Variants in ELOVL6 observed in about 807,000 individuals in gnomAD.
ELOVL6 encodes very long chain fatty acid elongase 6.
Under a neutral mutation model 31.7 loss-of-function variants are expected in ELOVL6, and 8 were observed. The observed-to-expected ratio is 0.25, with a 90% CI of 0.15 to 0.45. The LOEUF (loss-of-function observed/expected upper bound fraction) is 0.45. ELOVL6 is among the 20% of genes least tolerant of loss of function. ELOVL6 has a pLI of 1.00. For synonymous variants in ELOVL6, 101 were observed against 117.7 expected (o/e 0.86, Z 0.92); for missense variants, 126 against 326.4 (o/e 0.39, Z 4.73).
intron 2 of ELOVL6, among the ~76,000 whole-genome samples, chr4:110,076,697 G>A (rs1273885487): frequency 6.6e-6 from 1 of 152,198 alleles, no homozygotes; most frequent in African/African-American, 2.4e-5. Context: ...TTCCAACTGA[G>A]GAACCGGGTT....
chr4:110,084,588 A>ATT (rs1168880044), intron 2 of ELOVL6, among the ~76,000 whole-genome samples: 542 of 29,602 alleles, frequency 0.018, 20 homozygotes, highest in Non-Finnish European at 0.022. Flanking sequence ...ATATATATAT[A>ATT]TTTTTTTTTT....
chr4:110,147,824 C>T (rs942591972), intron 1 of ELOVL6, among the ~76,000 whole-genome samples: 17 of 151,492 alleles, frequency 1.1e-4, no homozygotes, highest in Non-Finnish European at 2.2e-4. Context: ...CACACGTGCA[C>T]GCCAAAAAGG....
Position 110,135,807 on chromosome 4 carries a change from C to A in ELOVL6, c.90-30179G>T, listed in dbSNP as rs376366234. Among the ~76,000 whole-genome samples the A allele has an allele frequency of 9.2e-5, 14 of 152,242 alleles. No homozygotes were observed. In the South Asian group the frequency reaches 2.3e-3, roughly 25 times the overall value. On this transcript the variant is annotated intron_variant, in intron 1 of 3. Transcript: ENST00000302274. ...AACTTGGTGTTCAGAGAAGATCCTT[C>A]AAGATGAACAAAGGGTCAAAATAAA...
chr4:110,135,554 G>A (rs1052226092), intron 1 of ELOVL6, among the ~76,000 whole-genome samples: 2 of 152,088 alleles, frequency 1.3e-5, no homozygotes, highest in African/African-American at 2.4e-5. Flanking sequence ...AGTAGCCTAG[G>A]GAAAAAAGTC....
intron 2 of ELOVL6, among the ~76,000 whole-genome samples, chr4:110,101,406 A>C (rs1472002138): frequency 6.6e-6 from 1 of 152,160 alleles, no homozygotes; most frequent in East Asian, 1.9e-4. Flanking sequence ...ATTTCAAAAA[A>C]AAAAAGCAAC....
At chr4:110,148,057 C>T (rs752896176) in intron 1 of ELOVL6, among the ~76,000 whole-genome samples, 25 of 142,554 alleles carry the variant, frequency 1.8e-4, no homozygotes, top group Non-Finnish European at 3.3e-4. Context: ...TGCAGTGAGC[C>T]GAGATTGTGC....
rs144718016 is a variant in ELOVL6, at chr4:110,084,253, A to C, written c.221+21244T>G. 6.6e-4 allele frequency among the ~76,000 whole-genome samples: 85 copies of C among 128,024 alleles called. 11 individuals are homozygous for C. The highest frequency in any genetic ancestry group is 2.5e-3 in the African/African-American group (83 of 33,820). The allele number at this position is 128,024 out of a possible 152,430, so 84.0% of individuals were successfully genotyped here. On this transcript the variant is annotated intron_variant, in intron 2 of 3. Transcript: ENST00000302274. ...ATATATAACATATATGATATATATA[A>C]CATATAGCTTATATGTGATATATAA... is the stretch of plus-strand genomic sequence containing the variant.
chr4:110,125,486 T>C (rs1158542432), intron 1 of ELOVL6, among the ~76,000 whole-genome samples: 2 of 152,080 alleles, frequency 1.3e-5, no homozygotes, highest in Non-Finnish European at 2.9e-5. Context: ...TAATTTTCTT[T>C]ATAAATTAAT....
At chr4:110,171,631 C>T (rs1257692684) in intron 1 of ELOVL6, among the ~76,000 whole-genome samples, 2 of 150,320 alleles carry the variant, frequency 1.3e-5, no homozygotes, top group Admixed American at 6.6e-5. Context: ...GCTCTTCTCC[C>T]ATACATTGCC....
chr4:110,064,465 T>A (rs1162054556), intron 2 of ELOVL6, among the ~76,000 whole-genome samples: 2 of 152,030 alleles, frequency 1.3e-5, no homozygotes, highest in Non-Finnish European at 2.9e-5. Context: ...TATTTGACTC[T>A]TTTTTATTTT....
At chr4:110,184,125 T>C (rs189868357) in intron 1 of ELOVL6, among the ~76,000 whole-genome samples, 2 of 152,350 alleles carry the variant, frequency 1.3e-5, no homozygotes, top group African/African-American at 4.8e-5. Flanking sequence ...TAAATGCCTA[T>C]GTTTTCTTCT....
intron 2 of ELOVL6, among the ~76,000 whole-genome samples, chr4:110,084,079 TATATG>T (rs1756027127): frequency 3.1e-5 from 4 of 129,860 alleles, no homozygotes; most frequent in Admixed American, 1.7e-4. Flanking sequence ...ATATATGCTA[TATATG>T]ATATATAACA....
At chr4:110,153,873 T>C (rs1021803716) in intron 1 of ELOVL6, among the ~76,000 whole-genome samples, 1 of 152,240 alleles carries the variant, frequency 6.6e-6, no homozygotes, top group Non-Finnish European at 1.5e-5. Context: ...TAATGCAATG[T>C]AAGCAGCTTT....
At chr4:110,060,388 C>T (rs911580585) in intron 2 of ELOVL6, among the ~76,000 whole-genome samples, 15 of 152,292 alleles carry the variant, frequency 9.8e-5, no homozygotes. Flanking sequence ...GATAAGTGCT[C>T]ACTCCCTGAG....
chr4:110,184,813 G>T (rs1759392505), intron 1 of ELOVL6, among the ~76,000 whole-genome samples: 1 of 152,200 alleles, frequency 6.6e-6, no homozygotes. Context: ...ATTAGCTAAG[G>T]AAGAGTTCAG....
intron 2 of ELOVL6, among the ~76,000 whole-genome samples, chr4:110,079,959 A>C (rs1048509742): frequency 1.3e-5 from 2 of 152,218 alleles, no homozygotes; most frequent in Admixed American, 6.5e-5. Flanking sequence ...AATGCTATAA[A>C]CACCTCCACA....
Position 110,065,743 on chromosome 4 carries a change from C to T in ELOVL6, c.222-5989G>A, listed in dbSNP as rs146613230. On this transcript the variant is annotated intron_variant, in intron 2 of 3. Coordinates refer to ENST00000302274, the MANE Select transcript of ELOVL6 (RefSeq NM_024090.3). ...TATTTTAACCTTCCACTTTTATTTC[C>T]ATCTGTAAGTCAAAATGGAATAGCT... 1.9e-4 allele frequency among the ~76,000 whole-genome samples: 29 copies of T among 152,260 alleles called. No individual in the cohort carries two copies. The East Asian group carries it at 5.6e-3, about 29-fold the overall frequency.
At chr4:110,063,327 T>G (rs1755200627) in intron 2 of ELOVL6, among the ~76,000 whole-genome samples, 1 of 152,146 alleles carries the variant, frequency 6.6e-6, no homozygotes, top group African/African-American at 2.4e-5. Flanking sequence ...CTGCTCCTGG[T>G]GTGGCGACCC....
At chr4:110,157,688 C>G (rs932094404) in intron 1 of ELOVL6, among the ~76,000 whole-genome samples, 1 of 151,784 alleles carries the variant, frequency 6.6e-6, no homozygotes, top group African/African-American at 2.4e-5. Flanking sequence ...AAAAAAATTT[C>G]TTGGATATTT....
Sources: allele counts gnomAD v4.1 joint callset (sites outside exome capture counted in the v4.1 genomes callset), GRCh38; gene constraint gnomAD v4.1.1; transcripts MANE v1.5; gene names NCBI Gene and HGNC (gene_info 2026-07-23, HGNC 2026-07-21).